The following WWOX variants were observed in gnomAD, a reference collection of about 807,000 sequenced individuals.
WWOX encodes the protein WW domain-containing oxidoreductase.
A neutral mutation model predicts 46.2 loss-of-function variants in WWOX; 69 were observed. That is an observed-to-expected ratio of 1.49 (90% CI 1.23 to 1.82). The LOEUF is 1.82. WWOX is among the 40% of genes most tolerant of loss of function. The pLI is 0.00. For synonymous variants in WWOX, 359 were observed against 202.6 expected, an observed-to-expected ratio of 1.77 and a Z score of -6.56; for missense variants, 919 against 542.6, an observed-to-expected ratio of 1.69 and a Z score of -6.89.
chr16:79,190,636 G>T (rs916471801), intron 8 of WWOX, among the ~76,000 whole-genome samples: 1 of 152,192 alleles, frequency 6.6e-6, no homozygotes. Context: ...GAACTAGTTG[G>T]TGTTACTTAG....
chr16:78,941,901 C>T (rs536426245), intron 8 of WWOX, among the ~76,000 whole-genome samples: 31 of 152,074 alleles, frequency 2.0e-4, no homozygotes, highest in African/African-American at 6.5e-4. Flanking sequence ...TTAATTACGG[C>T]GCTGATTAAG....
rs906329696 is a variant in WWOX at position 79,168,565 on chromosome 16, A to C, written c.1057-43043A>C. ...GCCCACACCTCTGAAGCTCCATATT[A>C]CCCAGGAAGGGACAATGGGGGGCCT... is the stretch of plus-strand genomic sequence containing the variant. On this transcript the variant is annotated intron_variant, in intron 8 of 8. Transcript: ENST00000566780. 2.0e-5 allele frequency among the ~76,000 whole-genome samples: 3 copies of C among 152,058 alleles called. No individual in the cohort carries two copies. In the South Asian group the frequency reaches 6.2e-4, roughly 32 times the overall value.
intron 6 of WWOX, among the ~76,000 whole-genome samples, chr16:78,424,097 C>CTTTTTTTTT (rs1567564550): frequency 8.1e-6 from 1 of 122,980 alleles, no homozygotes; most frequent in African/African-American, 3.3e-5. Flanking sequence ...TTTTTCTTTT[C>CTTTTTTTTT]TTTTCTTTTC....
intron 5 of WWOX, among the ~76,000 whole-genome samples, chr16:78,330,190 T>C (rs2080721980): frequency 6.6e-6 from 1 of 152,210 alleles, no homozygotes. Context: ...AAGTGTTCAT[T>C]TTTATAATTG....
intron 4 of WWOX, among the ~76,000 whole-genome samples, chr16:78,121,737 C>G (rs2033102926): frequency 6.6e-6 from 1 of 151,882 alleles, no homozygotes; most frequent in Non-Finnish European, 1.5e-5. Flanking sequence ...TCTCAGCTCA[C>G]TGCAACCTTT....
chr16:78,326,192 G>T (rs2080609456), intron 5 of WWOX, among the ~76,000 whole-genome samples: 1 of 152,166 alleles, frequency 6.6e-6, no homozygotes, highest in African/African-American at 2.4e-5. Flanking sequence ...GGATCACACA[G>T]CTAGATCACA....
At chr16:78,431,702 T>TTC (rs1451462876) in intron 7 of WWOX, among the ~76,000 whole-genome samples, 2 of 151,412 alleles carry the variant, frequency 1.3e-5, no homozygotes, top group African/African-American at 4.9e-5. Context: ...TTTTTTTTTT[T>TTC]TTAATTTTTA....
intron 8 of WWOX, among the ~76,000 whole-genome samples, chr16:79,054,916 A>T (rs540696553): frequency 5.3e-5 from 8 of 152,368 alleles, no homozygotes; most frequent in African/African-American, 1.9e-4. Flanking sequence ...TTCTAGAATT[A>T]AAAGCAATTG....
At chr16:78,186,310 A>G in intron 5 of WWOX, among the ~76,000 whole-genome samples, 1 of 151,568 alleles carries the variant, frequency 6.6e-6, no homozygotes, top group East Asian at 1.9e-4. Flanking sequence ...TTCATCAGAC[A>G]TTGCCGACCT....
chr16:78,931,472 A>G (rs11860644), intron 8 of WWOX, among the ~76,000 whole-genome samples: 26,511 of 152,226 alleles, frequency 0.17, 2,620 homozygotes, highest in Middle Eastern at 0.23. Flanking sequence ...CATAGTCAGC[A>G]GATTTTGCTG....
intron 8 of WWOX, among the ~76,000 whole-genome samples, chr16:78,959,699 C>T (rs1024334714): frequency 1.3e-5 from 2 of 152,064 alleles, no homozygotes; most frequent in Admixed American, 6.6e-5. Flanking sequence ...CTGATGAGAC[C>T]CCCCTGCAAC....
intron 5 of WWOX, among the ~76,000 whole-genome samples, chr16:78,366,266 A>G (rs528918537): frequency 1.3e-5 from 2 of 152,320 alleles, no homozygotes; most frequent in African/African-American, 2.4e-5. Context: ...ATACTGTTAA[A>G]CTTTTAGATT....
chr16:78,387,782 A>AT (rs988269587), intron 6 of WWOX, among the ~76,000 whole-genome samples: 14 of 151,992 alleles, frequency 9.2e-5, no homozygotes, highest in African/African-American at 3.1e-4. Context: ...AACTTCATTT[A>AT]TTTTTTTTCA....
intron 5 of WWOX, among the ~76,000 whole-genome samples, chr16:78,381,198 C>A (rs145134604): frequency 6.6e-6 from 1 of 152,152 alleles, no homozygotes; most frequent in African/African-American, 2.4e-5. Flanking sequence ...CAGGCAGTAT[C>A]GCATCAGAGT....
chr16:79,074,113 G>A (rs1235135380), intron 8 of WWOX, among the ~76,000 whole-genome samples: 8 of 152,096 alleles, frequency 5.3e-5, no homozygotes, highest in East Asian at 1.9e-4. Flanking sequence ...TCTTTTACCG[G>A]CTGACTAGAA....
intron 5 of WWOX, among the ~76,000 whole-genome samples, chr16:78,224,333 T>G (rs559749691): frequency 6.6e-6 from 1 of 152,156 alleles, no homozygotes; most frequent in East Asian, 1.9e-4. Context: ...GTGGAACAAG[T>G]CATTTTTTTG....
chr16:78,602,129 C>G (rs955982187), intron 8 of WWOX, among the ~76,000 whole-genome samples: 1 of 152,208 alleles, frequency 6.6e-6, no homozygotes, highest in African/African-American at 2.4e-5. Context: ...ACTAATCACA[C>G]TAGTAGAATC....
intron 8 of WWOX, among the ~76,000 whole-genome samples, chr16:79,122,121 C>G (rs1319115001): frequency 6.6e-6 from 1 of 152,168 alleles, no homozygotes; most frequent in Admixed American, 6.5e-5. Flanking sequence ...GCTGTTCCAC[C>G]TCGGAGCGCG....
intron 5 of WWOX, among the ~76,000 whole-genome samples, chr16:78,187,013 TG>T: frequency 6.6e-6 from 1 of 152,170 alleles, no homozygotes; most frequent in Non-Finnish European, 1.5e-5. Flanking sequence ...TCTCTCTGTG[TG>T]TGTGTAGTTC....
Sources: allele counts gnomAD v4.1 joint callset (sites outside exome capture counted in the v4.1 genomes callset), GRCh38; gene constraint gnomAD v4.1.1; transcripts MANE v1.5; gene names NCBI Gene and HGNC (gene_info 2026-07-23, HGNC 2026-07-21).